Variants in LRRTM4 observed in about 807,000 individuals in gnomAD.
LRRTM4 encodes leucine-rich repeat transmembrane neuronal protein 4.
In LRRTM4, 25 loss-of-function variants were observed where a neutral mutation model predicts 47.6. The ratio of observed to expected loss-of-function variants is 0.53; its 90% CI spans 0.38 to 0.73. The LOEUF is 0.73. LRRTM4 is among the 30% of genes least tolerant of loss of function. The probability of loss-of-function intolerance (pLI) is 0.00; values close to 1 mark genes in which losing one functional copy is unlikely to be tolerated. For missense variants in LRRTM4, 638 were observed against 713.4 expected (o/e 0.89, Z 1.20); for synonymous variants, 311 against 269.5 (o/e 1.15, Z -1.51).
At chr2:76,860,002 TG>T (rs1672264685) in intron 3 of LRRTM4, among the ~76,000 whole-genome samples, 1 of 152,196 alleles carries the variant, frequency 6.6e-6, no homozygotes, top group Non-Finnish European at 1.5e-5. Context: ...CTTTTCATTA[TG>T]GGATATCACT....
intron 3 of LRRTM4, among the ~76,000 whole-genome samples, chr2:77,313,657 CTT>C (rs917555386): frequency 4.5e-4 from 68 of 152,268 alleles, no homozygotes; most frequent in African/African-American, 1.6e-3. Flanking sequence ...TATTATCCCT[CTT>C]GTTAATCAAT....
chr2:77,234,009 C>T (rs1675039057), intron 3 of LRRTM4, among the ~76,000 whole-genome samples: 2 of 152,110 alleles, frequency 1.3e-5, no homozygotes, highest in South Asian at 4.1e-4. Flanking sequence ...GTTGGCCAGG[C>T]TGATCTCAGG....
chr2:77,259,820 G>T (rs181662265), intron 3 of LRRTM4, among the ~76,000 whole-genome samples: 1 of 152,188 alleles, frequency 6.6e-6, no homozygotes, highest in Non-Finnish European at 1.5e-5. Context: ...GATATAACCA[G>T]CTTAGTTTTC....
intron 3 of LRRTM4, among the ~76,000 whole-genome samples, chr2:77,482,781 T>C (rs926288250): frequency 2.0e-5 from 3 of 152,168 alleles, no homozygotes; most frequent in Admixed American, 6.5e-5. Context: ...TGAAAAACAG[T>C]AAAACTTATT....
chr2:77,213,445 T>C (rs927533657), intron 3 of LRRTM4, among the ~76,000 whole-genome samples: 4 of 152,086 alleles, frequency 2.6e-5, no homozygotes, highest in African/African-American at 9.7e-5. Context: ...TAACCCCTCA[T>C]AGAAATGTCA....
intron 3 of LRRTM4, among the ~76,000 whole-genome samples, chr2:77,144,197 C>T (rs1672196952): frequency 1.3e-5 from 2 of 152,006 alleles, no homozygotes; most frequent in Admixed American, 1.3e-4. Context: ...GATCTTACAC[C>T]AGTCAGTCAT....
chr2:76,780,081 A>C (rs542755763), intron 3 of LRRTM4, among the ~76,000 whole-genome samples: 1 of 152,286 alleles, frequency 6.6e-6, no homozygotes, highest in East Asian at 1.9e-4. Context: ...TGAATGTTGA[A>C]TATTGGCCCC....
intron 3 of LRRTM4, among the ~76,000 whole-genome samples, chr2:77,041,986 A>T (rs1273019999): frequency 1.3e-5 from 2 of 149,068 alleles, no homozygotes; most frequent in Non-Finnish European, 3.0e-5. Context: ...AGATGTTCCA[A>T]ATTTAAAAAA....
chr2:77,241,044 A>G (rs1675245408), intron 3 of LRRTM4, among the ~76,000 whole-genome samples: 1 of 152,048 alleles, frequency 6.6e-6, no homozygotes, highest in African/African-American at 2.4e-5. Flanking sequence ...TAAAAATAAA[A>G]TTGAGAAGAT....
At chr2:77,125,237 G>A (rs546631080) in intron 3 of LRRTM4, among the ~76,000 whole-genome samples, 3 of 152,214 alleles carry the variant, frequency 2.0e-5, no homozygotes, top group South Asian at 2.1e-4. Flanking sequence ...TATTTAGGAC[G>A]TCATCTGTGA....
At chr2:77,027,039 A>T (rs551463613) in intron 3 of LRRTM4, among the ~76,000 whole-genome samples, 31 of 152,118 alleles carry the variant, frequency 2.0e-4, no homozygotes, top group Non-Finnish European at 4.1e-4. Flanking sequence ...GACACCTGCT[A>T]TATTAAAATA....
intron 3 of LRRTM4, among the ~76,000 whole-genome samples, chr2:77,418,126 G>C (rs959794029): frequency 6.6e-6 from 1 of 152,160 alleles, no homozygotes; most frequent in African/African-American, 2.4e-5. Context: ...ACACAATTGT[G>C]CTATTTCTGT....
intron 3 of LRRTM4, among the ~76,000 whole-genome samples, chr2:77,491,153 A>T (rs567456020): frequency 2.0e-5 from 3 of 152,308 alleles, no homozygotes; most frequent in Non-Finnish European, 4.4e-5. Flanking sequence ...TTAAGAGAAC[A>T]AATTGAAGAG....
intron 3 of LRRTM4, among the ~76,000 whole-genome samples, chr2:77,254,562 A>G (rs540808729): frequency 2.8e-4 from 42 of 152,042 alleles, no homozygotes; most frequent in Admixed American, 1.5e-3. Context: ...TGAGTTTTCT[A>G]TATTATTTTT....
At chr2:77,465,860 T>C (rs1676961934) in intron 3 of LRRTM4, among the ~76,000 whole-genome samples, 1 of 151,530 alleles carries the variant, frequency 6.6e-6, no homozygotes, top group Non-Finnish European at 1.5e-5. Flanking sequence ...GTTCCTGGCC[T>C]CTTCACTGAT....
chr2:77,318,700 C>T (rs1184935864), intron 3 of LRRTM4, among the ~76,000 whole-genome samples: 3 of 152,068 alleles, frequency 2.0e-5, no homozygotes, highest in East Asian at 1.9e-4. Context: ...CAAAAGTGAT[C>T]ATTATAATTT....
chr2:77,477,825 C>T (rs1573467611), intron 3 of LRRTM4, among the ~76,000 whole-genome samples: 3 of 119,072 alleles, frequency 2.5e-5, no homozygotes. Context: ...CGCAACAAGG[C>T]TGGAGCAAAA....
chr2:77,028,281 G>C (rs543661859), intron 3 of LRRTM4, among the ~76,000 whole-genome samples: 2 of 152,204 alleles, frequency 1.3e-5, no homozygotes, highest in African/African-American at 2.4e-5. Context: ...AGTGTTCAAC[G>C]ATACAGAAAT....
At chr2:77,222,805 T>C (rs905719810) in intron 3 of LRRTM4, among the ~76,000 whole-genome samples, 1 of 152,196 alleles carries the variant, frequency 6.6e-6, no homozygotes, top group Non-Finnish European at 1.5e-5. Flanking sequence ...CTATTCCTTC[T>C]GAAACTATTC....
Sources: allele counts gnomAD v4.1 joint callset (sites outside exome capture counted in the v4.1 genomes callset), GRCh38; gene constraint gnomAD v4.1.1; transcripts MANE v1.5; gene names NCBI Gene and HGNC (gene_info 2026-07-23, HGNC 2026-07-21).